The following CFAP54 variants were observed in gnomAD, a reference collection of about 807,000 sequenced individuals.
CFAP54 encodes the protein cilia- and flagella-associated protein 54.
CFAP54 carries 290 observed loss-of-function variants against 370.4 expected under a neutral mutation model. That is an observed-to-expected ratio of 0.78 (90% confidence interval 0.71 to 0.86). The LOEUF is 0.86. Among genes scored for constraint, CFAP54 ranks in the 40% least tolerant of loss-of-function variants. CFAP54 has a pLI of 0.00. For synonymous variants in CFAP54, 1,206 were observed against 1,236.5 expected (o/e 0.98, Z 0.52); for missense variants, 3,399 against 3,528.7 (o/e 0.96, Z 0.93).
intron 55 of CFAP54, among the ~76,000 whole-genome samples, chr12:96,752,637 T>C (rs1949877271): frequency 1.3e-5 from 2 of 152,236 alleles, no homozygotes; most frequent in African/African-American, 4.8e-5. Context: ...GCTTTTAGCC[T>C]AGACAGCCAC....
intron 8 of CFAP54, among the ~76,000 whole-genome samples, chr12:96,523,948 T>A (rs890049382): frequency 4.6e-5 from 7 of 152,046 alleles, no homozygotes; most frequent in Admixed American, 2.0e-4. Flanking sequence ...AAATTGTAAT[T>A]GTTTAGTGAG....
At chr12:96,820,308 T>C (rs1959017590) in intron 65 of CFAP54, among the ~76,000 whole-genome samples, 1 of 152,236 alleles carries the variant, frequency 6.6e-6, no homozygotes, top group Non-Finnish European at 1.5e-5. Context: ...TATTATTGTT[T>C]TGGCTTTGTT....
intron 9 of CFAP54, among the ~76,000 whole-genome samples, chr12:96,533,315 C>T (rs1955461739): frequency 6.6e-6 from 1 of 152,022 alleles, no homozygotes. Context: ...GTTGAGTACT[C>T]CTTTCTTTCT....
At chr12:96,819,868 T>A (rs1179028322) in intron 65 of CFAP54, among the ~76,000 whole-genome samples, 1 of 152,214 alleles carries the variant, frequency 6.6e-6, no homozygotes, top group African/African-American at 2.4e-5. Context: ...GAAGACTGAA[T>A]GCTCTCATGC....
At chr12:96,689,410 C>T (rs1957365451) in intron 43 of CFAP54, among the ~76,000 whole-genome samples, 1 of 152,218 alleles carries the variant, frequency 6.6e-6, no homozygotes, top group Non-Finnish European at 1.5e-5. Context: ...ATCCACCCGT[C>T]TTGGCCTCCC....
intron 39 of CFAP54, among the ~76,000 whole-genome samples, chr12:96,670,107 G>A (rs1957128021): frequency 6.6e-6 from 1 of 152,150 alleles, no homozygotes; most frequent in Non-Finnish European, 1.5e-5. Context: ...GCTTCCGTGG[G>A]TTGTTTCCAA....
chr12:96,738,129 G>A (rs1158964350), intron 50 of CFAP54, among the ~76,000 whole-genome samples: 1 of 152,186 alleles, frequency 6.6e-6, no homozygotes, highest in Non-Finnish European at 1.5e-5. Context: ...CGCGTTAGCA[G>A]TGGAGGAGAT....
At chr12:96,593,216 C>T (rs1410326827) in intron 24 of CFAP54, among the ~76,000 whole-genome samples, 2 of 152,104 alleles carry the variant, frequency 1.3e-5, no homozygotes, top group East Asian at 3.8e-4. Context: ...GCTGTATGTA[C>T]ATCTGCAACT....
chr12:96,829,123 A>T lies in CFAP54; in HGVS notation c.9171+35A>T, dbSNP rs756323221. The T allele has an allele frequency of 5.1e-6, 6 of 1,180,174 alleles. No homozygotes were observed. In the Middle Eastern group the frequency reaches 9.6e-4, roughly 189 times the overall value. 73.1% of individuals were successfully genotyped at this position (1,180,174 alleles called of 1,614,324 possible). ...TCTCCTTTAAAATTGTATCTAATTCACTCACAAGTATTATTGCTATGAAAT... is the reference window on the plus strand; with the variant it reads ...TCTCCTTTAAAATTGTATCTAATTCTCTCACAAGTATTATTGCTATGAAAT... On this transcript the variant is annotated intron_variant, in intron 66 of 67. Transcript: ENST00000524981.
chr12:96,639,132 A>G (rs551326640), intron 32 of CFAP54, among the ~76,000 whole-genome samples: 1 of 152,188 alleles, frequency 6.6e-6, no homozygotes, highest in Non-Finnish European at 1.5e-5. Flanking sequence ...GTATCAGTGA[A>G]TCCAGGAGCT....
At chr12:96,827,937 TATATATA>T (rs1425964174) in intron 65 of CFAP54, among the ~76,000 whole-genome samples, 1 of 109,738 alleles carries the variant, frequency 9.1e-6, no homozygotes, top group Non-Finnish European at 1.7e-5. Flanking sequence ...TATATATAGT[TATATATA>T]ATATATAATT....
intron 17 of CFAP54, among the ~76,000 whole-genome samples, chr12:96,560,156 A>G (rs1020461625): frequency 6.6e-6 from 1 of 152,170 alleles, no homozygotes; most frequent in Admixed American, 6.5e-5. Flanking sequence ...AGCTATTTTG[A>G]AATGTATAAT....
Position 96,623,984 on chromosome 12 carries a change from C to T in CFAP54, c.3886+103C>T, listed in dbSNP as rs192505503. On this transcript the variant is annotated intron_variant, in intron 28 of 67. Transcript: ENST00000524981. ...AGATGAGATTAGCATTTGGTAAACC[C>T]TTTAAGGTTTACACAGTGCTTTTAT... The T allele has an allele frequency of 6.4e-4, 483 of 755,756 alleles. 4 individuals are homozygous for T. The African/African-American group carries it at 7.5e-3, about 12-fold the overall frequency. 46.8% of individuals were successfully genotyped at this position (755,756 alleles called of 1,614,324 possible).
At chr12:96,563,272 G>A (rs531769308) in intron 17 of CFAP54, among the ~76,000 whole-genome samples, 1 of 152,156 alleles carries the variant, frequency 6.6e-6, no homozygotes, top group South Asian at 2.1e-4. Flanking sequence ...AATATCTCTG[G>A]GTTTCCTTGA....
At chr12:96,733,089 A>G (rs1957939920) in intron 50 of CFAP54, among the ~76,000 whole-genome samples, 1 of 152,218 alleles carries the variant, frequency 6.6e-6, no homozygotes. Context: ...AACCAGATAG[A>G]CATATGCAAA....
chr12:96,554,722 A>G lies in CFAP54; in HGVS notation c.2330A>G (p.Asn777Ser). Residue 777 changes from asparagine (N) to serine (S), a missense_variant, in exon 17 of 68, where the codon AAT becomes AGT. Physicochemically the swap from Asn to Ser is conservative, Grantham distance 46. Coordinates refer to ENST00000524981, the MANE Select transcript of CFAP54 (RefSeq NM_001306084.2). ...DGDTYKPLAS[N>S]SFMMDLHLEL... ...GATACTTACAAACCACTTGCCTCAAATAGTTTCATGATGGATTTGCATCTT... is the reference window on the plus strand; with the variant it reads ...GATACTTACAAACCACTTGCCTCAAGTAGTTTCATGATGGATTTGCATCTT... 2.0e-6 allele frequency: 3 copies of G among 1,535,164 alleles called. No individual in the cohort carries two copies. The highest frequency in any genetic ancestry group is 2.6e-6 in the Non-Finnish European group (3 of 1,146,234).
intron 56 of CFAP54, among the ~76,000 whole-genome samples, chr12:96,755,999 A>G (rs1333558334): frequency 6.6e-6 from 1 of 152,124 alleles, no homozygotes; most frequent in African/African-American, 2.4e-5. Flanking sequence ...CACCTGTCGA[A>G]GGGTACTTAG....
At chr12:96,637,379 A>G (rs1424212240) in intron 32 of CFAP54, among the ~76,000 whole-genome samples, 1 of 152,178 alleles carries the variant, frequency 6.6e-6, no homozygotes, top group East Asian at 1.9e-4. Context: ...GCTTTGGTTT[A>G]GACATATTTT....
chr12:96,612,519 A>C (rs982514612), intron 26 of CFAP54, among the ~76,000 whole-genome samples: 1 of 152,226 alleles, frequency 6.6e-6, no homozygotes, highest in African/African-American at 2.4e-5. Flanking sequence ...TAATAACATG[A>C]TCAAATTCAC....
Sources: gnomAD v4.1 joint callset for allele counts (sites outside exome capture counted in the v4.1 genomes callset) on GRCh38, gnomAD v4.1.1 for gene constraint, MANE v1.5 for transcripts, NCBI Gene and HGNC (gene_info 2026-07-23, HGNC 2026-07-21) for gene names.